Variants in PKIA observed in about 807,000 individuals in gnomAD.
PKIA encodes cAMP-dependent protein kinase inhibitor alpha.
A neutral mutation model predicts 7.6 loss-of-function variants in PKIA; 4 were observed. The ratio of observed to expected loss-of-function variants is 0.52; its 90% confidence interval spans 0.26 to 1.20. PKIA has a LOEUF of 1.20. Among genes scored for constraint, PKIA ranks in the 50% most tolerant of loss-of-function variants. PKIA has a pLI of 0.13. For missense variants in PKIA, 73 were observed against 86.2 expected, an observed-to-expected ratio of 0.85 and a Z score of 0.61; for synonymous variants, 21 against 30.7, an observed-to-expected ratio of 0.68 and a Z score of 1.04.
intron 2 of PKIA, among the ~76,000 whole-genome samples, chr8:78,589,590 G>A (rs1272339687): frequency 6.6e-6 from 1 of 152,078 alleles, no homozygotes; most frequent in Non-Finnish European, 1.5e-5. Context: ...TGATGCAAAA[G>A]CAAGGTGGGG....
chr8:78,521,533 A>C (rs961536323), intron 1 of PKIA, among the ~76,000 whole-genome samples: 13 of 152,024 alleles, frequency 8.6e-5, no homozygotes, highest in Non-Finnish European at 5.9e-5. Context: ...AGAGATGGAA[A>C]GATAGAAAAC....
At chr8:78,580,009 T>G (rs2130197115) in intron 2 of PKIA, among the ~76,000 whole-genome samples, 1 of 152,090 alleles carries the variant, frequency 6.6e-6, no homozygotes, top group East Asian at 1.9e-4. Flanking sequence ...GAATCCTGAG[T>G]GGCAAAAGAG....
At chr8:78,570,017 G>T (rs1807508377) in intron 1 of PKIA, among the ~76,000 whole-genome samples, 1 of 152,044 alleles carries the variant, frequency 6.6e-6, no homozygotes, top group African/African-American at 2.4e-5. Flanking sequence ...GAAGAAGTGG[G>T]TAGGAACTCA....
chr8:78,563,306 A>C (rs1029742359), intron 1 of PKIA, among the ~76,000 whole-genome samples: 11 of 152,142 alleles, frequency 7.2e-5, no homozygotes, highest in Admixed American at 5.2e-4. Flanking sequence ...ACATTAATAA[A>C]GCTCTTAGAA....
In PKIA at chr8:78,602,039, T is replaced by A; in HGVS notation, c.*218T>A. On this transcript the variant is annotated 3_prime_UTR_variant, in exon 4 of 4. Transcript: ENST00000396418. ...TTAGCAATGGTTGAAATCATGTGGC[T>A]TGTGTTTGGGCGTCATTTTTGTATG... 1.8e-6 allele frequency: 1 copy of A among 553,664 alleles called. No homozygotes were observed. The highest frequency in any genetic ancestry group is 2.3e-5 in the South Asian group (1 of 42,914). 34.3% of individuals were successfully genotyped at this position (553,664 alleles called of 1,614,324 possible).
chr8:78,528,658 T>TA (rs755210393), intron 1 of PKIA, among the ~76,000 whole-genome samples: 11,323 of 120,030 alleles, frequency 0.094, 523 homozygotes, highest in Middle Eastern at 0.19. Context: ...ACCCTGTCTC[T>TA]AAAAAAAAAA....
chr8:78,524,892 A>T (rs1809512866), intron 1 of PKIA, among the ~76,000 whole-genome samples: 1 of 151,954 alleles, frequency 6.6e-6, no homozygotes, highest in South Asian at 2.1e-4. Flanking sequence ...AGATTACAAA[A>T]CATTAGTTGA....
chr8:78,550,574 CA>C (rs908998304), intron 1 of PKIA, among the ~76,000 whole-genome samples: 12 of 151,990 alleles, frequency 7.9e-5, no homozygotes, highest in Admixed American at 5.9e-4. Flanking sequence ...ATCTGATTGC[CA>C]ATGCAAGAAA....
intron 3 of PKIA, 38 bp from the exon 4 acceptor site, chr8:78,601,704 T>C (rs1264087598): frequency 2.6e-5 from 38 of 1,476,192 alleles, no homozygotes; most frequent in Non-Finnish European, 3.5e-5. Context: ...CAATCATTTT[T>C]ATTTTGCCTT....
At chr8:78,595,253 T>A (rs1026407211) in intron 2 of PKIA, among the ~76,000 whole-genome samples, 18 of 152,196 alleles carry the variant, frequency 1.2e-4, no homozygotes, top group African/African-American at 4.3e-4. Flanking sequence ...CTGATTCACG[T>A]AGGACTGGAC....
chr8:78,528,349 C>T (rs1162984416), intron 1 of PKIA, among the ~76,000 whole-genome samples: 1 of 152,042 alleles, frequency 6.6e-6, no homozygotes, highest in African/African-American at 2.4e-5. Flanking sequence ...CACTATTATA[C>T]AGAGGCTTAT....
intron 1 of PKIA, among the ~76,000 whole-genome samples, chr8:78,551,771 A>G (rs1806989204): frequency 6.6e-6 from 1 of 151,982 alleles, no homozygotes; most frequent in African/African-American, 2.4e-5. Flanking sequence ...ATGGTCATTG[A>G]GATGGAAGTT....
intron 2 of PKIA, among the ~76,000 whole-genome samples, chr8:78,582,245 A>G (rs1046148752): frequency 6.8e-6 from 1 of 146,624 alleles, no homozygotes; most frequent in African/African-American, 2.5e-5. Context: ...TCACGCTGCT[A>G]TAAGGACATA....
intron 1 of PKIA, among the ~76,000 whole-genome samples, chr8:78,570,960 T>C (rs988171884): frequency 6.6e-6 from 1 of 152,140 alleles, no homozygotes; most frequent in Non-Finnish European, 1.5e-5. Flanking sequence ...GACTGCTCTC[T>C]CTTCCATTAC....
intron 1 of PKIA, among the ~76,000 whole-genome samples, chr8:78,546,362 A>T (rs1453327215): frequency 6.6e-6 from 1 of 152,188 alleles, no homozygotes; most frequent in African/African-American, 2.4e-5. Context: ...TACAATTTTA[A>T]ATTATAATTA....
In PKIA at chr8:78,563,138, A is replaced by G. The variant is rs562978046; in HGVS notation, c.-156-9673A>G. 5.3e-5 allele frequency among the ~76,000 whole-genome samples: 8 copies of G among 152,232 alleles called. No homozygotes were observed. In the East Asian group the frequency reaches 1.5e-3, roughly 29 times the overall value. On this transcript the variant is annotated intron_variant, in intron 1 of 3. Coordinates refer to ENST00000396418, the MANE Select transcript of PKIA (RefSeq NM_006823.4). ...AGGCCAATCTGTGAGACATTATTTA[A>G]CTTCCTTACTCTAAAATTTCAGCAT... is the stretch of plus-strand genomic sequence containing the variant.
chr8:78,573,511 G>T (rs1807604274), intron 2 of PKIA, among the ~76,000 whole-genome samples: 1 of 151,804 alleles, frequency 6.6e-6, no homozygotes, highest in Non-Finnish European at 1.5e-5. Flanking sequence ...ATCCCACTGA[G>T]AATTTTCTTT....
chr8:78,573,219 G>A (rs1807595593), intron 2 of PKIA, among the ~76,000 whole-genome samples: 1 of 152,040 alleles, frequency 6.6e-6, no homozygotes, highest in African/African-American at 2.4e-5. Context: ...CTGTGGAGCA[G>A]CAGATTAACC....
chr8:78,516,527 A>G, intron 1 of PKIA, 59 bp downstream of exon 1: 1 of 152,504 alleles, frequency 6.6e-6, no homozygotes, highest in Non-Finnish European at 1.5e-5. Flanking sequence ...CCGCTTGGTT[A>G]ATAATGGGGT....
Sources: gnomAD v4.1 joint callset for allele counts (sites outside exome capture counted in the v4.1 genomes callset) on GRCh38, gnomAD v4.1.1 for gene constraint, MANE v1.5 for transcripts, NCBI Gene and HGNC (gene_info 2026-07-23, HGNC 2026-07-21) for gene names.